The following VIT variants were observed in gnomAD, a reference collection of about 807,000 sequenced individuals.
VIT encodes vitrin.
Under a neutral mutation model 78.0 loss-of-function variants are expected in VIT, and 99 were observed. That is an observed-to-expected ratio of 1.27 (90% CI 1.08 to 1.50). The LOEUF is 1.50. VIT is among the 40% of genes most tolerant of loss of function. VIT has a pLI of 0.00. For missense variants in VIT, 1,126 were observed against 875.3 expected (o/e 1.29, Z -3.61); for synonymous variants, 374 against 334.3 (o/e 1.12, Z -1.29).
At chr2:36,711,822 T>C (rs10207705) in intron 1 of VIT, among the ~76,000 whole-genome samples, 20,633 of 152,240 alleles carry the variant, frequency 0.14, 2,195 homozygotes, top group African/African-American at 0.27. Context: ...AGAGATCTAA[T>C]GAAATTTGTT....
chr2:36,749,501 ATG>A (rs370692611), intron 4 of VIT, among the ~76,000 whole-genome samples: 90 of 152,364 alleles, frequency 5.9e-4, no homozygotes, highest in East Asian at 4.8e-3. Flanking sequence ...ACTAGCCTGT[ATG>A]TGCCAAGCAC....
chr2:36,771,632 C>A (rs1255975621), intron 7 of VIT, among the ~76,000 whole-genome samples: 2 of 151,958 alleles, frequency 1.3e-5, no homozygotes, highest in African/African-American at 4.8e-5. Context: ...CAGCAACTCT[C>A]ATTGGAAATC....
At position 36,733,568 on chromosome 2, in the gene VIT, G is replaced by A. The variant is rs559789389; in HGVS notation, c.118+4077G>A. Among the ~76,000 whole-genome samples, 3 of 126,866 alleles carry A rather than the reference G, an allele frequency of 2.4e-5. No individual in the cohort carries two copies. The South Asian group carries it at 7.3e-4, about 31-fold the overall frequency. 83.2% of individuals were successfully genotyped at this position (126,866 alleles called of 152,430 possible). A position where few individuals can be genotyped will look rare whatever the true frequency, so the allele number is the denominator to read the frequency against. On this transcript the variant is annotated intron_variant, in intron 3 of 15. Transcript: ENST00000379242. ...GTAGCAATATTTGAAGATATGAAGA[G>A]AGAAGAGAGAGAACACAACTTGTGA... is the stretch of plus-strand genomic sequence containing the variant.
At chr2:36,724,758 A>G (rs1330168084) in intron 2 of VIT, among the ~76,000 whole-genome samples, 1 of 152,202 alleles carries the variant, frequency 6.6e-6, no homozygotes, top group African/African-American at 2.4e-5. Context: ...AAAGCAAATG[A>G]TGGGGTGTTC....
At chr2:36,754,649 G>T (rs1315726960) in intron 4 of VIT, among the ~76,000 whole-genome samples, 1 of 152,166 alleles carries the variant, frequency 6.6e-6, no homozygotes, top group Non-Finnish European at 1.5e-5. Context: ...CCAAGGAAAA[G>T]AAATCTGAGG....
chr2:36,699,535 C>T (rs1232876301), intron 1 of VIT, among the ~76,000 whole-genome samples: 1 of 131,884 alleles, frequency 7.6e-6, no homozygotes, highest in Non-Finnish European at 1.7e-5. Context: ...TATATACACA[C>T]ACATATATAT....
chr2:36,710,446 A>G (rs1188512400), intron 1 of VIT, among the ~76,000 whole-genome samples: 1 of 152,132 alleles, frequency 6.6e-6, no homozygotes, highest in African/African-American at 2.4e-5. Context: ...TGGCATATGA[A>G]TACTGTGAAA....
chr2:36,787,538 G>T (rs1486224137), intron 12 of VIT, among the ~76,000 whole-genome samples: 5 of 152,218 alleles, frequency 3.3e-5, no homozygotes, highest in Admixed American at 3.3e-4. Flanking sequence ...TATTTGTCTG[G>T]AAAACAGGAG....
chr2:36,752,782 T>C lies in VIT; in HGVS notation c.276-2139T>C, dbSNP rs1017567175. ...ACAGAGTGTGAATTAGTTCAACCAT[T>C]GTGGAAAACAGTGTGGCAATCCTTC... On this transcript the variant is annotated intron_variant, in intron 4 of 15. Coordinates refer to ENST00000379242, the MANE Select transcript of VIT (RefSeq NM_053276.4). Among the ~76,000 whole-genome samples the C allele has an allele frequency of 2.0e-5, 3 of 152,194 alleles. No individual in the cohort carries two copies. The East Asian group carries it at 5.8e-4, about 29-fold the overall frequency.
In VIT at chr2:36,754,203, G is replaced by A. The variant is rs1334062129; in HGVS notation, c.276-718G>A. ...GAAATGGCAACTTTCACTCCTGGAG[G>A]GAAGGAAGGGTGTTGATGGGGAGAA... On this transcript the variant is annotated intron_variant, in intron 4 of 15. Transcript: ENST00000379242. Among the ~76,000 whole-genome samples, 8 of 152,154 alleles carry A rather than the reference G, an allele frequency of 5.3e-5. No homozygotes were observed. The South Asian group carries it at 1.7e-3, about 32-fold the overall frequency.
At chr2:36,809,987 T>G (rs1667033947) in intron 15 of VIT, among the ~76,000 whole-genome samples, 2 of 60,254 alleles carry the variant, frequency 3.3e-5, no homozygotes, top group African/African-American at 1.6e-4. Flanking sequence ...CAAGATCCTG[T>G]CTCAAAAAAA....
intron 15 of VIT, among the ~76,000 whole-genome samples, chr2:36,812,862 T>A (rs1299710119): frequency 7.9e-5 from 1 of 12,732 alleles, no homozygotes; most frequent in East Asian, 4.5e-3. Context: ...TTTCTTCTTC[T>A]TTTTTTTTTT....
intron 12 of VIT, 63 bp downstream of exon 12, chr2:36,787,339 A>C: frequency 6.4e-7 from 1 of 1,561,132 alleles, no homozygotes; most frequent in Non-Finnish European, 8.7e-7. Context: ...ATTTTATGCC[A>C]CGTGCTTAAT....
chr2:36,717,399 G>A (rs1419940815), intron 2 of VIT, among the ~76,000 whole-genome samples: 2 of 120,314 alleles, frequency 1.7e-5, no homozygotes, highest in African/African-American at 5.9e-5. Context: ...TGTGTGTTTA[G>A]TAGAGATGGG....
intron 1 of VIT, among the ~76,000 whole-genome samples, chr2:36,701,185 G>A (rs1665034545): frequency 6.6e-6 from 1 of 152,096 alleles, no homozygotes; most frequent in Non-Finnish European, 1.5e-5. Context: ...GGAACTCACA[G>A]GGGAAGTTTT....
Position 36,774,808 on chromosome 2 carries a change from C to T in VIT, c.737-194C>T, listed in dbSNP as rs544561698. The T allele has an allele frequency of 3.0e-6, 3 of 985,412 alleles. No individual in the cohort carries two copies. In the African/African-American group the frequency reaches 5.2e-5, roughly 17 times the overall value. The allele number at this position is 985,412 out of a possible 1,614,324, so 61.0% of individuals were successfully genotyped here. A position where few individuals can be genotyped will look rare whatever the true frequency, so the allele number is the denominator to read the frequency against. ...CTCTACAGGAGCCCAATCCATGGAG[C>T]ACTGTTTCCTCCTGTCCCCTTGGCC... On this transcript the variant is annotated intron_variant, in intron 8 of 15. Transcript: ENST00000379242.
At chr2:36,787,064 A>G in intron 11 of VIT, 65 bp from the exon 12 acceptor site, 1 of 1,591,148 alleles carries the variant, frequency 6.3e-7, no homozygotes, top group Non-Finnish European at 8.6e-7. Flanking sequence ...AAGAGGAACA[A>G]GAGGATGCCC....
chr2:36,786,967 A>T (rs1215343596), intron 11 of VIT, among the ~76,000 whole-genome samples, 162 bp from the exon 12 acceptor site: 1 of 152,130 alleles, frequency 6.6e-6, no homozygotes, highest in East Asian at 1.9e-4. Flanking sequence ...GCTCAGGGAA[A>T]CCCCTGTGGG....
chr2:36,726,468 T>G (rs1326574460), intron 2 of VIT, among the ~76,000 whole-genome samples: 1 of 152,272 alleles, frequency 6.6e-6, no homozygotes, highest in Non-Finnish European at 1.5e-5. Context: ...TTGTGTTGTT[T>G]ACGTTTTTCT....
Sources: gnomAD v4.1 joint callset for allele counts (sites outside exome capture counted in the v4.1 genomes callset) on GRCh38, gnomAD v4.1.1 for gene constraint, MANE v1.5 for transcripts, NCBI Gene and HGNC (gene_info 2026-07-23, HGNC 2026-07-21) for gene names.